The following TDRD9 variants were observed in gnomAD, a reference collection of about 807,000 sequenced individuals.
The protein encoded by TDRD9 is ATP-dependent RNA helicase TDRD9.
TDRD9 carries 124 observed loss-of-function variants against 172.6 expected under a neutral mutation model. The observed-to-expected ratio is 0.72, with a 90% CI of 0.62 to 0.83. The LOEUF is 0.83. Ranked by LOEUF, TDRD9 falls within the 40% of genes least tolerant of loss-of-function variation. The pLI is 0.00. For synonymous variants in TDRD9, 619 were observed against 617.1 expected (o/e 1.00, Z -0.05); for missense variants, 1,479 against 1,714.1 (o/e 0.86, Z 2.42).
intron 8 of TDRD9, among the ~76,000 whole-genome samples, chr14:103,989,618 G>T (rs2033796962): frequency 1.3e-5 from 2 of 152,212 alleles, no homozygotes; most frequent in Admixed American, 1.3e-4. Context: ...TTTCATGATG[G>T]AATCAACCTG....
intron 7 of TDRD9, among the ~76,000 whole-genome samples, 159 bp from the exon 8 acceptor site, chr14:103,986,058 A>G (rs141965626): frequency 2.5e-4 from 38 of 152,354 alleles, no homozygotes; most frequent in African/African-American, 7.9e-4. Context: ...CTTGGCACAC[A>G]GCACGTGTTC....
At chr14:103,992,652 G>C (rs564062474) in intron 9 of TDRD9, among the ~76,000 whole-genome samples, 2 of 152,110 alleles carry the variant, frequency 1.3e-5, no homozygotes, top group Non-Finnish European at 2.9e-5. Context: ...GGACGGGCGT[G>C]GGGGCTCATG....
intron 18 of TDRD9, 125 bp from the exon 19 acceptor site, chr14:104,007,035 A>C: frequency 9.0e-7 from 1 of 1,109,310 alleles, no homozygotes; most frequent in Non-Finnish European, 1.3e-6. Flanking sequence ...ATTTTATGAA[A>C]TTGATTGAAA....
intron 1 of TDRD9, among the ~76,000 whole-genome samples, chr14:103,949,141 A>G (rs1356693979): frequency 6.6e-6 from 1 of 152,216 alleles, no homozygotes; most frequent in Non-Finnish European, 1.5e-5. Context: ...CTGTACACTT[A>G]AAAATAGTTA....
chr14:104,028,235 C>G (rs752463499), intron 28 of TDRD9, among the ~76,000 whole-genome samples: 2 of 152,052 alleles, frequency 1.3e-5, no homozygotes, highest in Non-Finnish European at 2.9e-5. Flanking sequence ...ATTGTATGTT[C>G]GTACTGTTTT....
At chr14:104,028,923 C>G (rs886280662) in intron 28 of TDRD9, among the ~76,000 whole-genome samples, 2 of 152,104 alleles carry the variant, frequency 1.3e-5, no homozygotes, top group Non-Finnish European at 2.9e-5. Context: ...CCAGCACCAT[C>G]TATTGAAGAG....
intron 20 of TDRD9, among the ~76,000 whole-genome samples, chr14:104,010,049 A>AGTTCTCCTGC: frequency 6.6e-6 from 1 of 150,642 alleles, no homozygotes; most frequent in Non-Finnish European, 1.5e-5. Flanking sequence ...GGGTTCAAAC[A>AGTTCTCCTGC]ATTCTCCTGC....
chr14:104,037,486 C>T (rs1237978817), intron 32 of TDRD9, among the ~76,000 whole-genome samples: 4 of 152,164 alleles, frequency 2.6e-5, no homozygotes, highest in African/African-American at 9.7e-5. Context: ...AACTTTACGA[C>T]TAAGTGATAA....
At chr14:103,979,261 T>G (rs2152175578) in intron 7 of TDRD9, among the ~76,000 whole-genome samples, 1 of 152,356 alleles carries the variant, frequency 6.6e-6, no homozygotes, top group Non-Finnish European at 1.5e-5. Flanking sequence ...TGTGTATATA[T>G]TCTCCATTTT....
At chr14:103,967,224 T>C (rs1226322735) in intron 5 of TDRD9, among the ~76,000 whole-genome samples, 1 of 151,594 alleles carries the variant, frequency 6.6e-6, no homozygotes, top group Non-Finnish European at 1.5e-5. Context: ...ATCAAACCAT[T>C]TGGGCAACGG....
chr14:104,013,064 T>C (rs2034665108), intron 20 of TDRD9, among the ~76,000 whole-genome samples: 1 of 152,212 alleles, frequency 6.6e-6, no homozygotes. Flanking sequence ...GAGTGTGCTC[T>C]CCCTTGCTTC....
chr14:104,037,125 C>T (rs1460793688), intron 32 of TDRD9, among the ~76,000 whole-genome samples: 1 of 151,878 alleles, frequency 6.6e-6, no homozygotes, highest in Non-Finnish European at 1.5e-5. Context: ...ATTCTCCTTT[C>T]CTTTCACTTT....
chr14:104,010,654 G>A (rs2034585939), intron 20 of TDRD9, among the ~76,000 whole-genome samples: 1 of 150,326 alleles, frequency 6.7e-6, no homozygotes, highest in African/African-American at 2.5e-5. Flanking sequence ...AAATAATGAT[G>A]GTATAGTATG....
In TDRD9 at chr14:103,981,990, C is replaced by T. The variant is rs542294833; in HGVS notation, c.1012-4227C>T. 3.9e-5 allele frequency among the ~76,000 whole-genome samples: 6 copies of T among 152,138 alleles called. No homozygotes were observed. In the East Asian group the frequency reaches 1.2e-3, roughly 29 times the overall value. Reference sequence around the variant, plus strand: ...ACTGTCAGTACTCTTGTCATGTTACCTCACCACACTGTCTGCTGTTACAAG... The same window carrying T: ...ACTGTCAGTACTCTTGTCATGTTACTTCACCACACTGTCTGCTGTTACAAG... On this transcript the variant is annotated intron_variant, in intron 7 of 35. Coordinates refer to ENST00000409874, the MANE Select transcript of TDRD9 (RefSeq NM_153046.3).
intron 6 of TDRD9, among the ~76,000 whole-genome samples, chr14:103,971,345 C>T (rs1457430339): frequency 6.6e-6 from 1 of 151,740 alleles, no homozygotes; most frequent in Non-Finnish European, 1.5e-5. Flanking sequence ...CACTCTGTTG[C>T]CCAGGGTGGA....
In TDRD9 at chr14:103,966,633, C is replaced by T. The variant is rs533755617; in HGVS notation, c.643-76C>T. On this transcript the variant is annotated intron_variant, in intron 4 of 35. Transcript: ENST00000409874. ...CCTTAATTTTTCATTCCCTTTCTTA[C>T]CCCCATTATATTAATAAAATGGACA... is the stretch of plus-strand genomic sequence containing the variant. The T allele has an allele frequency of 6.8e-5, 89 of 1,307,912 alleles. No individual in the cohort carries two copies. In the African/African-American group the frequency reaches 1.1e-3, roughly 16 times the overall value. The allele number at this position is 1,307,912 out of a possible 1,614,324, so 81.0% of individuals were successfully genotyped here. A position where few individuals can be genotyped will look rare whatever the true frequency, so the allele number is the denominator to read the frequency against.
intron 1 of TDRD9, among the ~76,000 whole-genome samples, chr14:103,954,358 C>T (rs1489827233): frequency 1.3e-5 from 2 of 152,226 alleles, no homozygotes; most frequent in African/African-American, 4.8e-5. Context: ...CATCTCTAAT[C>T]AGCATCTTAC....
intron 4 of TDRD9, among the ~76,000 whole-genome samples, chr14:103,966,146 C>G (rs2032736019): frequency 6.6e-6 from 1 of 152,136 alleles, no homozygotes; most frequent in Non-Finnish European, 1.5e-5. Flanking sequence ...GCCTGGCCAA[C>G]ATGGTGAAAC....
chr14:104,033,864 G>A (rs1424833324), intron 30 of TDRD9, 96 bp from the exon 31 acceptor site: 39 of 727,742 alleles, frequency 5.4e-5, no homozygotes, highest in Middle Eastern at 3.0e-4. Flanking sequence ...GCAGTTGCCC[G>A]TTTGTATTTT....
Sources: allele counts gnomAD v4.1 joint callset (sites outside exome capture counted in the v4.1 genomes callset), GRCh38; gene constraint gnomAD v4.1.1; transcripts MANE v1.5; gene names NCBI Gene and HGNC (gene_info 2026-07-23, HGNC 2026-07-21).